ATP1A3: variants seen among roughly 807,000 people sequenced by gnomAD.
ATP1A3 encodes the protein ATPase Na+/K+ transporting subunit alpha 3, also known as sodium/potassium-transporting ATPase subunit alpha-3.
In ATP1A3, 12 loss-of-function variants were observed where a neutral mutation model predicts 108.8. The ratio of observed to expected loss-of-function variants is 0.11; its 90% CI spans 0.07 to 0.18. The LOEUF is 0.18. Among genes scored for constraint, ATP1A3 ranks in the 10% least tolerant of loss-of-function variants. ATP1A3 has a pLI of 1.00. For synonymous variants in ATP1A3, 539 were observed against 564.5 expected, an observed-to-expected ratio of 0.95 and a Z score of 0.64; for missense variants, 498 against 1,387.7, an observed-to-expected ratio of 0.36 and a Z score of 10.19.
chr19:41,967,555 C>T lies in ATP1A3; in HGVS notation c.2921+107G>A. The T allele has an allele frequency of 1.6e-6, 2 of 1,264,412 alleles. No homozygotes were observed. Among genetic ancestry groups the T allele is most frequent in the Non-Finnish European group, 2.2e-6 (2 of 891,818 alleles). 78.3% of individuals were successfully genotyped at this position (1,264,412 alleles called of 1,614,324 possible). On this transcript the variant is annotated intron_variant, in intron 21 of 22. Transcript: ENST00000648268. The surrounding 1 kb of genome is among the most constrained non-coding windows in gnomAD (Gnocchi z 4.2). ...CTCGGGGGCATCAGAATGGGGACTG[C>T]AGTGGGGACACCAGGGGAGGTGGGG...
At chr19:41,987,528 G>T (rs77670794) in intron 4 of ATP1A3, among the ~76,000 whole-genome samples, 1 of 152,124 alleles carries the variant, frequency 6.6e-6, no homozygotes, top group South Asian at 2.1e-4. Context: ...TGTGTTATGC[G>T]CATGGGATCT....
At chr19:41,976,691 G>A (rs2075174491) in intron 14 of ATP1A3, 125 bp from the exon 15 acceptor site, 2 of 1,366,724 alleles carry the variant, frequency 1.5e-6, no homozygotes, top group Non-Finnish European at 2.0e-6. Flanking sequence ...ACCAGGGGCT[G>A]GGGGAAGAGG....
At chr19:41,976,039 C>T (rs1167854451) in intron 15 of ATP1A3, among the ~76,000 whole-genome samples, 1 of 143,818 alleles carries the variant, frequency 7.0e-6, no homozygotes, top group Non-Finnish European at 1.5e-5. Flanking sequence ...CAGCCTCCTT[C>T]TCCCTCAGAC....
At chr19:41,980,056 G>A (rs988703228) in intron 11 of ATP1A3, among the ~76,000 whole-genome samples, 2 of 152,194 alleles carry the variant, frequency 1.3e-5, no homozygotes, top group Admixed American at 1.3e-4. Flanking sequence ...GCTGGCTGGT[G>A]TTCAGATGCG....
chr19:41,967,028 A>C lies in ATP1A3; in HGVS notation c.3014-63T>G. The C allele has an allele frequency of 6.4e-7, 1 of 1,551,622 alleles. No homozygotes were observed. The highest frequency in any genetic ancestry group is 1.2e-5 in the South Asian group (1 of 84,058). On this transcript the variant is annotated intron_variant, in intron 22 of 22. Transcript: ENST00000648268. This position sits in a 1 kb window ranked among gnomAD's most constrained non-coding sequence, Gnocchi z 4.2. ...GAGATGGAGAGAGACAGGCAAGGCG[A>C]GCCGCCCAGCAGAGAGAGGGACAGA...
Position 41,967,221 on chromosome 19 carries a change from C to A in ATP1A3, c.3013+28G>T. On this transcript the variant is annotated intron_variant, in intron 22 of 22. Transcript: ENST00000648268. This position sits in a 1 kb window ranked among gnomAD's most constrained non-coding sequence, Gnocchi z 4.2. ...CTGAGACCCTGCTGCCCCCCGCCCC[C>A]CTCGGCTGCCTTGCCGAGCTCCCTC... is the stretch of plus-strand genomic sequence containing the variant. 6.2e-7 allele frequency: 1 copy of A among 1,613,946 alleles called. No homozygotes were observed. Among genetic ancestry groups the A allele is most frequent in the Non-Finnish European group, 8.5e-7 (1 of 1,179,948 alleles).
Position 41,967,829 on chromosome 19 carries a change from G to C in ATP1A3, c.2820-66C>G, listed in dbSNP as rs1237220304. 7.0e-7 allele frequency: 1 copy of C among 1,430,112 alleles called. No homozygotes were observed. Among genetic ancestry groups the C allele is most frequent in the South Asian group, 1.2e-5 (1 of 84,862 alleles). The allele number at this position is 1,430,112 out of a possible 1,614,324, so 88.6% of individuals were successfully genotyped here. A position where few individuals can be genotyped will look rare whatever the true frequency, so the allele number is the denominator to read the frequency against. On this transcript the variant is annotated intron_variant, in intron 20 of 22. Coordinates refer to ENST00000648268, the MANE Select transcript of ATP1A3 (RefSeq NM_152296.5). This position sits in a 1 kb window ranked among gnomAD's most constrained non-coding sequence, Gnocchi z 4.2. ...CACCCTGCACCTGCCACCCCGCAGA[G>C]ACAGGGGGAGGCACAGTGCAGACAC... is the stretch of plus-strand genomic sequence containing the variant.
chr19:41,991,303 G>A (rs2075335869), intron 1 of ATP1A3, among the ~76,000 whole-genome samples: 1 of 152,040 alleles, frequency 6.6e-6, no homozygotes, highest in South Asian at 2.1e-4. Context: ...GAGGGTGGGG[G>A]TGTGCAGGGA....
intron 8 of ATP1A3, 27 bp from the exon 9 acceptor site, chr19:41,982,133 T>C (rs782687329): frequency 3.7e-6 from 6 of 1,613,730 alleles, no homozygotes; most frequent in Non-Finnish European, 5.1e-6. Context: ...GGCAGGCAAG[T>C]TACAGGGACA....
intron 11 of ATP1A3, among the ~76,000 whole-genome samples, chr19:41,979,472 G>C (rs1222346099): frequency 6.6e-6 from 1 of 151,998 alleles, no homozygotes; most frequent in Non-Finnish European, 1.5e-5. Context: ...ACACCACCAT[G>C]CCTGGCTAAT....
chr19:41,975,911 G>A, intron 15 of ATP1A3, 114 bp from the exon 16 acceptor site: 1 of 1,408,894 alleles, frequency 7.1e-7, no homozygotes, highest in Non-Finnish European at 1.0e-6. Context: ...AGAAGTTCAG[G>A]TCCCCAACCT....
chr19:41,994,206 CCGTT>C lies in ATP1A3; in HGVS notation c.-134_-131del, dbSNP rs1344988427. 2.3e-6 allele frequency: 2 copies of C among 854,576 alleles called. No individual in the cohort carries two copies. Among genetic ancestry groups the C allele is most frequent in the South Asian group, 2.1e-5 (1 of 46,782 alleles). The allele number at this position is 854,576 out of a possible 1,614,324, so 52.9% of individuals were successfully genotyped here. A position where few individuals can be genotyped will look rare whatever the true frequency, so the allele number is the denominator to read the frequency against. Reference sequence around the variant, plus strand: ...TAGGTGCGCGCGTCCGTCCGTCCGTCCGTTGGTCCCACCGCACAGAGGCTGCGGC... The same window carrying C: ...TAGGTGCGCGCGTCCGTCCGTCCGTCGGTCCCACCGCACAGAGGCTGCGGC... On this transcript the variant is annotated 5_prime_UTR_variant, in exon 1 of 23. Coordinates refer to ENST00000648268, the MANE Select transcript of ATP1A3 (RefSeq NM_152296.5).
intron 17 of ATP1A3, 33 bp from the exon 18 acceptor site, chr19:41,970,341 G>T: frequency 6.2e-7 from 1 of 1,614,192 alleles, no homozygotes; most frequent in Non-Finnish European, 8.5e-7. Flanking sequence ...GCCGGAGAGG[G>T]GAGGACTCCA....
intron 16 of ATP1A3, among the ~76,000 whole-genome samples, chr19:41,973,749 G>C (rs986166170): frequency 6.6e-6 from 1 of 152,242 alleles, no homozygotes; most frequent in Non-Finnish European, 1.5e-5. Flanking sequence ...GATGGTGTCT[G>C]CTCTGCTCAC....
chr19:41,969,349 A>G, intron 19 of ATP1A3, 86 bp downstream of exon 19: 1 of 1,599,854 alleles, frequency 6.3e-7, no homozygotes, highest in Non-Finnish European at 8.6e-7. Context: ...TGAGGGGGCC[A>G]TCGTAGGAAG....
At chr19:41,974,451 G>T (rs2145957315) in intron 16 of ATP1A3, among the ~76,000 whole-genome samples, 1 of 152,158 alleles carries the variant, frequency 6.6e-6, no homozygotes. Context: ...CCCGCCCCCA[G>T]CCCCCAAAAA....
In ATP1A3 at chr19:41,966,816, C is replaced by G; in HGVS notation, c.*121G>C. The G allele has an allele frequency of 6.5e-7, 1 of 1,538,470 alleles. No homozygotes were observed. On this transcript the variant is annotated 3_prime_UTR_variant, in exon 23 of 23. Transcript: ENST00000648268. The stretch of plus-strand genomic sequence containing the variant: ...CAGGAGATAGTGGAGGGGGTGGGGG[C>G]CAAGGTGGGGCCACAGGAAGAGAGG...
intron 16 of ATP1A3, among the ~76,000 whole-genome samples, chr19:41,972,889 C>CGGAGGGAGGAAG (rs2075128240): frequency 2.2e-5 from 1 of 45,242 alleles, no homozygotes; most frequent in African/African-American, 6.7e-5. Context: ...CAGGCAGGGA[C>CGGAGGGAGGAAG]GGAGGGAGGG....
intron 14 of ATP1A3, 59 bp from the exon 15 acceptor site, chr19:41,976,625 A>G (rs2075173915): frequency 6.2e-7 from 1 of 1,608,030 alleles, no homozygotes; most frequent in East Asian, 2.2e-5. Flanking sequence ...TGGCAAAGTG[A>G]TCCCTGAAAG....
Sources: allele counts gnomAD v4.1 joint callset (sites outside exome capture counted in the v4.1 genomes callset), GRCh38; gene constraint gnomAD v4.1.1; non-coding constraint Gnocchi (gnomAD v3.1); transcripts MANE v1.5; gene names NCBI Gene and HGNC (gene_info 2026-07-23, HGNC 2026-07-21).